ATP8A1: variants seen among roughly 807,000 people sequenced by gnomAD.
ATP8A1 encodes the protein ATPase phospholipid transporting 8A1, also known as phospholipid-transporting ATPase IA.
Under a neutral mutation model 177.7 loss-of-function variants are expected in ATP8A1, and 90 were observed. That is an observed-to-expected ratio of 0.51 (90% CI 0.43 to 0.60). The LOEUF (loss-of-function observed/expected upper bound fraction) is 0.60. Ranked by LOEUF, ATP8A1 falls within the 20% of genes least tolerant of loss-of-function variation. ATP8A1 has a pLI of 0.00. For missense variants in ATP8A1, 1,072 were observed against 1,392.8 expected, an observed-to-expected ratio of 0.77 and a Z score of 3.67; for synonymous variants, 493 against 485.9, an observed-to-expected ratio of 1.01 and a Z score of -0.19.
At chr4:42,471,915 C>T in intron 25 of ATP8A1, 1 of 646,812 alleles carries the variant, frequency 1.5e-6, no homozygotes, top group Non-Finnish European at 3.0e-6. Context: ...TAAACTCGGA[C>T]CTCAAGGCTC....
chr4:42,565,840 G>A (rs1412354685), intron 15 of ATP8A1, among the ~76,000 whole-genome samples: 1 of 152,114 alleles, frequency 6.6e-6, no homozygotes, highest in Admixed American at 6.5e-5. Flanking sequence ...TTTAGAAAAT[G>A]AGCATATCTT....
At chr4:42,453,099 T>G (rs1255744140) in intron 29 of ATP8A1, among the ~76,000 whole-genome samples, 1 of 152,202 alleles carries the variant, frequency 6.6e-6, no homozygotes, top group South Asian at 2.1e-4. Flanking sequence ...AAAGCACAGG[T>G]GGGTGCAAGA....
chr4:42,507,374 C>A (rs1724477981), intron 22 of ATP8A1, among the ~76,000 whole-genome samples: 1 of 152,038 alleles, frequency 6.6e-6, no homozygotes, highest in South Asian at 2.1e-4. Context: ...TAACCCAACC[C>A]CTAAGGTAAG....
intron 1 of ATP8A1, among the ~76,000 whole-genome samples, chr4:42,655,752 G>A (rs1338316854): frequency 6.6e-6 from 1 of 152,024 alleles, no homozygotes; most frequent in Non-Finnish European, 1.5e-5. Context: ...TTTTTACAGG[G>A]AGCCCCTAAG....
At chr4:42,541,314 C>T (rs1243688088) in intron 20 of ATP8A1, among the ~76,000 whole-genome samples, 2 of 152,018 alleles carry the variant, frequency 1.3e-5, no homozygotes, top group Non-Finnish European at 2.9e-5. Flanking sequence ...ATTAAGCCAA[C>T]AATAAAATAC....
intron 1 of ATP8A1, among the ~76,000 whole-genome samples, chr4:42,650,457 CATA>C (rs1267458871): frequency 1.3e-5 from 2 of 152,186 alleles, no homozygotes; most frequent in Non-Finnish European, 2.9e-5. Context: ...ACAGCTGGTG[CATA>C]ATAAGTGGTT....
chr4:42,454,610 G>T (rs867395442), intron 29 of ATP8A1, among the ~76,000 whole-genome samples: 59 of 152,160 alleles, frequency 3.9e-4, no homozygotes, highest in South Asian at 6.2e-4. Context: ...AATACCAATG[G>T]AAACACTTTA....
intron 21 of ATP8A1, 28 bp from the exon 22 acceptor site, chr4:42,522,327 A>G: frequency 1.2e-6 from 2 of 1,602,488 alleles, no homozygotes; most frequent in Non-Finnish European, 1.7e-6. Flanking sequence ...CATCACCCCA[A>G]CACACCAAAG....
At chr4:42,489,044 C>A (rs115996320) in intron 24 of ATP8A1, among the ~76,000 whole-genome samples, 63 of 152,136 alleles carry the variant, frequency 4.1e-4, no homozygotes, top group African/African-American at 1.5e-3. Flanking sequence ...AAGAGAGAGA[C>A]ACACACAGAG....
Position 42,412,763 on chromosome 4 carries a change from TA to T in ATP8A1, c.*152del, listed in dbSNP as rs1236236452. The T allele has an allele frequency of 1.6e-6, 1 of 623,034 alleles. No individual in the cohort carries two copies. The highest frequency in any genetic ancestry group is 1.8e-5 in the African/African-American group (1 of 54,146). The allele number at this position is 623,034 out of a possible 1,614,324, so 38.6% of individuals were successfully genotyped here. A position where few individuals can be genotyped will look rare whatever the true frequency, so the allele number is the denominator to read the frequency against. ...TACAGTTGCACAGTGCTTATGTCTA[TA>T]ATATACATGAATCTGAATGTCCATC... On this transcript the variant is annotated 3_prime_UTR_variant, in exon 37 of 37. Coordinates refer to ENST00000381668, the MANE Select transcript of ATP8A1 (RefSeq NM_006095.2).
At chr4:42,625,109 T>C (rs1737918656) in intron 3 of ATP8A1, 1 of 152,414 alleles carries the variant, frequency 6.6e-6, no homozygotes, top group Non-Finnish European at 1.5e-5. Context: ...TTGTCTCTGA[T>C]GGTAGAATAA....
chr4:42,454,631 T>G (rs1718283433), intron 29 of ATP8A1, among the ~76,000 whole-genome samples: 1 of 152,156 alleles, frequency 6.6e-6, no homozygotes, highest in Non-Finnish European at 1.5e-5. Flanking sequence ...GAATATATAC[T>G]TGCAGGAAAG....
At chr4:42,493,779 G>C (rs1037793859) in intron 24 of ATP8A1, among the ~76,000 whole-genome samples, 1 of 152,116 alleles carries the variant, frequency 6.6e-6, no homozygotes, top group East Asian at 1.9e-4. Context: ...TTTGTAGAGA[G>C]ATTATAGTGA....
intron 1 of ATP8A1, among the ~76,000 whole-genome samples, chr4:42,641,088 A>G (rs189510254): frequency 6.6e-6 from 1 of 152,190 alleles, no homozygotes; most frequent in Admixed American, 6.5e-5. Context: ...CTAACTTGGT[A>G]AGGGCTCTGG....
intron 15 of ATP8A1, among the ~76,000 whole-genome samples, chr4:42,563,435 T>A (rs981309349): frequency 2.6e-5 from 4 of 152,078 alleles, no homozygotes; most frequent in African/African-American, 7.2e-5. Context: ...ATTTGGAAAA[T>A]TTGCAGCCTG....
Position 42,414,664 on chromosome 4 carries a change from G to C in ATP8A1, c.3360C>G (p.Asn1120Lys). The change falls in exon 36 of 37, where the codon AAC (asparagine) becomes AAG (lysine). Residue 1120 changes from asparagine to lysine, a missense_variant. This residue lies in a region of ATP8A1 where 316 missense variants were observed against 459.1 expected (regional missense o/e 0.69). Coordinates refer to ENST00000381668, the MANE Select transcript of ATP8A1 (RefSeq NM_006095.2). ...LKNVFKKNHV[N>K]LYRSESLQQN... ...GTTGCAAGGATTCAGAGCGGTACAA[G>C]TTCACGTGGTTCTTCTTAAAGACGT... 6.2e-7 allele frequency: 1 copy of C among 1,613,896 alleles called. No individual in the cohort carries two copies. Among genetic ancestry groups the C allele is most frequent in the African/African-American group, 1.3e-5 (1 of 75,020 alleles).
chr4:42,618,443 T>G (rs1737128180), intron 4 of ATP8A1, among the ~76,000 whole-genome samples: 1 of 152,184 alleles, frequency 6.6e-6, no homozygotes, highest in South Asian at 2.1e-4. Flanking sequence ...TCTCCGGCAA[T>G]CTCAAAGGCA....
chr4:42,494,331 G>T (rs1173187358), intron 24 of ATP8A1, among the ~76,000 whole-genome samples: 1 of 151,982 alleles, frequency 6.6e-6, no homozygotes, highest in East Asian at 1.9e-4. Context: ...AAATTAACTG[G>T]ATATGACATG....
At chr4:42,576,505 AAG>A (rs1732475429) in intron 12 of ATP8A1, among the ~76,000 whole-genome samples, 12 of 149,412 alleles carry the variant, frequency 8.0e-5, no homozygotes, top group African/African-American at 3.0e-4. Flanking sequence ...AAAAAAAAAA[AAG>A]AGCATAGTTT....
Sources: gnomAD v4.1 joint callset for allele counts (sites outside exome capture counted in the v4.1 genomes callset) on GRCh38, gnomAD v4.1.1 for gene constraint, gnomAD v4.1.1 regional missense constraint, MANE v1.5 for transcripts, NCBI Gene and HGNC (gene_info 2026-07-23, HGNC 2026-07-21) for gene names.